Variants in ZFR observed in about 807,000 individuals in gnomAD.
ZFR encodes the protein zinc finger RNA binding protein, also known as zinc finger RNA-binding protein.
Under a neutral mutation model 130.7 loss-of-function variants are expected in ZFR, and 19 were observed. That is an observed-to-expected ratio of 0.15 (90% CI 0.10 to 0.21). The LOEUF (loss-of-function observed/expected upper bound fraction) is 0.21. Among genes scored for constraint, ZFR ranks in the 10% least tolerant of loss-of-function variants. The pLI is 1.00. For synonymous variants in ZFR, 466 were observed against 456.9 expected, an observed-to-expected ratio of 1.02 and a Z score of -0.25; for missense variants, 872 against 1,321.5, an observed-to-expected ratio of 0.66 and a Z score of 5.27.
At chr5:32,439,383 C>A (rs1333797418) in intron 2 of ZFR, among the ~76,000 whole-genome samples, 2 of 152,016 alleles carry the variant, frequency 1.3e-5, no homozygotes, top group African/African-American at 4.8e-5. Context: ...ACACAATATT[C>A]TTAACACTAC....
rs768295195 is a variant in ZFR at position 32,415,161 on chromosome 5, C to T, written c.592G>A (p.Ala198Thr). 7 of 1,613,824 alleles carry T rather than the reference C, an allele frequency of 4.3e-6. No individual in the cohort carries two copies. Among genetic ancestry groups the T allele is most frequent in the Non-Finnish European group, 5.9e-6 (7 of 1,179,972 alleles). Reference protein sequence around the residue: ...TAPKAGYSQGATQYTQAQQTR... With the variant: ...TAPKAGYSQGTTQYTQAQQTR... ...TGCTGGGCTTGAGTATACTGAGTTG[C>T]ACCTTGGCTGTAACCTGCTTTGGGG... is the stretch of plus-strand genomic sequence containing the variant. Residue 198 changes from alanine (A) to threonine (T), a missense_variant, in exon 5 of 20, where the codon GCA (alanine) becomes ACA (threonine). Physicochemically the swap from Ala to Thr is moderately conservative, Grantham distance 58. Around this residue, in one of 7 missense-constraint regions of ZFR, gnomAD observed 240 missense variants for 441.2 expected, o/e 0.54. Coordinates refer to ENST00000265069, the MANE Select transcript of ZFR (RefSeq NM_016107.5).
At chr5:32,394,526 G>T in intron 11 of ZFR, 1 of 161,858 alleles carries the variant, frequency 6.2e-6, no homozygotes. Context: ...GAGACAGAAA[G>T]GTTAGAGGTT....
At chr5:32,358,142 A>G (rs1752350611) in intron 19 of ZFR, among the ~76,000 whole-genome samples, 1 of 152,326 alleles carries the variant, frequency 6.6e-6, no homozygotes, top group African/African-American at 2.4e-5. Context: ...AGGATCGCTT[A>G]AGTCAGGAGT....
At chr5:32,434,878 G>C (rs976932332) in intron 2 of ZFR, among the ~76,000 whole-genome samples, 1 of 152,074 alleles carries the variant, frequency 6.6e-6, no homozygotes, top group Admixed American at 6.6e-5. Flanking sequence ...AACCCTGAAG[G>C]ATACCATAAA....
chr5:32,396,352 T>C (rs1753311367), intron 10 of ZFR, among the ~76,000 whole-genome samples: 1 of 152,182 alleles, frequency 6.6e-6, no homozygotes, highest in Admixed American at 6.5e-5. Flanking sequence ...CTTTACATAT[T>C]TAAGTACTAC....
intron 2 of ZFR, among the ~76,000 whole-genome samples, chr5:32,421,168 A>G (rs1239013115): frequency 6.6e-6 from 1 of 152,222 alleles, no homozygotes; most frequent in Non-Finnish European, 1.5e-5. Context: ...TTTTCTGAAT[A>G]ATACACTCAA....
intron 17 of ZFR, among the ~76,000 whole-genome samples, chr5:32,378,843 C>A (rs1476276362): frequency 1.4e-5 from 2 of 144,930 alleles, no homozygotes; most frequent in Admixed American, 7.0e-5. Context: ...ATGTAAAAGC[C>A]AACTAATAAA....
chr5:32,355,716 A>T lies in ZFR; in HGVS notation c.*44T>A. On this transcript the variant is annotated 3_prime_UTR_variant, in exon 20 of 20. Coordinates refer to ENST00000265069, the MANE Select transcript of ZFR (RefSeq NM_016107.5). ...TATTATGAATGAAAAACAGCCAACA[A>T]ATGGGCATCTGTTTTTTTAACACTG... is the stretch of plus-strand genomic sequence containing the variant. 6.7e-7 allele frequency: 1 copy of T among 1,490,144 alleles called. No homozygotes were observed. The highest frequency in any genetic ancestry group is 9.0e-7 in the Non-Finnish European group (1 of 1,112,454). 92.3% of individuals were successfully genotyped at this position (1,490,144 alleles called of 1,614,324 possible).
At chr5:32,380,002 C>T in intron 16 of ZFR, 73 bp downstream of exon 16, 1 of 1,225,698 alleles carries the variant, frequency 8.2e-7, no homozygotes, top group Non-Finnish European at 1.2e-6. Flanking sequence ...AATGTTTAAG[C>T]ACAGTTAAAC....
At chr5:32,402,493 T>C (rs1753474460) in intron 8 of ZFR, among the ~76,000 whole-genome samples, 1 of 151,818 alleles carries the variant, frequency 6.6e-6, no homozygotes, top group Non-Finnish European at 1.5e-5. Flanking sequence ...GGGCCATGCG[T>C]TGTGGTGCAT....
chr5:32,364,475 G>A, intron 17 of ZFR, 200 bp from the exon 18 acceptor site: 2 of 286,886 alleles, frequency 7.0e-6, no homozygotes, highest in East Asian at 6.2e-5. Context: ...GCTCACGTCT[G>A]TAATCCAAAC....
chr5:32,361,425 G>A (rs1481398780), intron 19 of ZFR, among the ~76,000 whole-genome samples: 3 of 152,094 alleles, frequency 2.0e-5, no homozygotes, highest in African/African-American at 7.2e-5. Flanking sequence ...CTTCCCAGGT[G>A]AGAACTAGGA....
intron 5 of ZFR, among the ~76,000 whole-genome samples, chr5:32,409,219 A>C (rs1359101097): frequency 6.6e-6 from 1 of 152,228 alleles, no homozygotes; most frequent in Non-Finnish European, 1.5e-5. Flanking sequence ...CCAAATTTCC[A>C]GAGATCTTAG....
At chr5:32,364,363 T>TA in intron 17 of ZFR, 88 bp from the exon 18 acceptor site, 1 of 994,222 alleles carries the variant, frequency 1.0e-6, no homozygotes, top group Non-Finnish European at 1.5e-6. Flanking sequence ...GAAAAAATTT[T>TA]AAAGACTGAA....
intron 17 of ZFR, among the ~76,000 whole-genome samples, chr5:32,370,331 GAGAGAGAGAGAGAGAGAGAGAGAC>G (rs1245307049): frequency 0.19 from 6,027 of 31,234 alleles, 145 homozygotes; most frequent in African/African-American, 0.25. Context: ...GAGAGAGAGA[GAGAGAGAGAGAGAGAGAGAGAGAC>G]AGACAGACAG....
intron 1 of ZFR, 133 bp from the exon 2 acceptor site, chr5:32,444,461 G>T (rs1270859194): frequency 1.2e-4 from 158 of 1,278,216 alleles, no homozygotes; most frequent in Admixed American, 6.1e-4. Context: ...GGCCGCGGCC[G>T]CGCCGCCTCC....
chr5:32,391,456 G>A (rs1468422242), intron 11 of ZFR, among the ~76,000 whole-genome samples: 1 of 151,736 alleles, frequency 6.6e-6, no homozygotes, highest in Non-Finnish European at 1.5e-5. Context: ...ACACCTCTGA[G>A]CTGAACTCAG....
At position 32,371,665 on chromosome 5, in the gene ZFR, G is replaced by GA. The variant is rs201799107; in HGVS notation, c.2836-7391dup. Among the ~76,000 whole-genome samples the GA allele has an allele frequency of 1.7e-3, 256 of 148,098 alleles. 1 individual carries two copies. Among genetic ancestry groups the GA allele is most frequent in the East Asian group, 3.7e-3 (19 of 5,086 alleles). ...CATCTGACCATCTTCTATCTCACCA[G>GA]AAAAAAGAAAAACACTAGAATTTGC... On this transcript the variant is annotated intron_variant, in intron 17 of 19. Coordinates refer to ENST00000265069, the MANE Select transcript of ZFR (RefSeq NM_016107.5).
chr5:32,426,966 T>C (rs992344120), intron 2 of ZFR, among the ~76,000 whole-genome samples: 1 of 148,534 alleles, frequency 6.7e-6, no homozygotes, highest in African/African-American at 2.5e-5. Context: ...GATGACATCA[T>C]TTTATACATG....
Sources: allele counts gnomAD v4.1 joint callset (sites outside exome capture counted in the v4.1 genomes callset), GRCh38; gene constraint gnomAD v4.1.1; regional missense constraint gnomAD v4.1.1; transcripts MANE v1.5; gene names NCBI Gene and HGNC (gene_info 2026-07-23, HGNC 2026-07-21).